Variants in DNHD1 observed in about 807,000 individuals in gnomAD.
DNHD1 encodes the protein dynein heavy chain domain-containing protein 1.
Under a neutral mutation model 458.1 loss-of-function variants are expected in DNHD1, and 383 were observed. The observed-to-expected ratio is 0.84, with a 90% confidence interval of 0.77 to 0.91. The LOEUF is 0.91. Ranked by LOEUF, DNHD1 falls within the 40% of genes least tolerant of loss-of-function variation. The pLI is 0.00. For synonymous variants in DNHD1, 2,203 were observed against 2,376.9 expected, an observed-to-expected ratio of 0.93 and a Z score of 2.13; for missense variants, 5,336 against 5,866.1, an observed-to-expected ratio of 0.91 and a Z score of 2.95.
chr11:6,521,247 C>T (rs1852598892), intron 10 of DNHD1, among the ~76,000 whole-genome samples: 1 of 152,336 alleles, frequency 6.6e-6, no homozygotes, highest in South Asian at 2.1e-4. Flanking sequence ...ATACATGCTA[C>T]AGATGTGCCT....
intron 39 of DNHD1, among the ~76,000 whole-genome samples, chr11:6,569,789 T>G (rs1325575835): frequency 4.6e-5 from 7 of 151,978 alleles, no homozygotes; most frequent in Admixed American, 2.6e-4. Flanking sequence ...GATTTTTGCT[T>G]TAGATAATTG....
intron 14 of DNHD1, among the ~76,000 whole-genome samples, chr11:6,536,449 C>T (rs1158123590): frequency 4.6e-5 from 7 of 152,098 alleles, no homozygotes; most frequent in Non-Finnish European, 1.0e-4. Context: ...ATTTATGTAA[C>T]TTGCCCTTAA....
At chr11:6,566,845 T>C in intron 35 of DNHD1, 50 bp from the exon 36 acceptor site, 2 of 1,599,312 alleles carry the variant, frequency 1.3e-6, no homozygotes, top group Non-Finnish European at 1.7e-6. Context: ...TGTAGATGTT[T>C]GGGGTCTGTG....
In DNHD1 at chr11:6,511,415, T is replaced by C. The variant is rs1852333675; in HGVS notation, c.1378T>C (p.Ser460Pro). Residue 460 changes from serine (S) to proline (P), a missense_variant, in exon 7 of 43, where the codon TCC becomes CCC. This residue lies in a region of DNHD1 where 3,932 missense variants were observed against 4,365.6 expected (regional missense o/e 0.90). Transcript: ENST00000254579. ...CCATCGTTGCCTAAACCTCTGCACA[T>C]CCATTCTTCGACTGGTAAGAGGCTC... Reference protein sequence around the residue: ...LLHRCLNLCTSILRLVHEDTY... With the variant: ...LLHRCLNLCTPILRLVHEDTY... The C allele has an allele frequency of 6.2e-7, 1 of 1,614,068 alleles. No homozygotes were observed. The highest frequency in any genetic ancestry group is 1.1e-5 in the South Asian group (1 of 91,088).
chr11:6,530,277 G>A (rs577118403), intron 12 of DNHD1, among the ~76,000 whole-genome samples: 85 of 152,130 alleles, frequency 5.6e-4, no homozygotes, highest in Non-Finnish European at 1.0e-3. Context: ...TTCTACCCCT[G>A]CTAATTGAAC....
intron 39 of DNHD1, 69 bp downstream of exon 39, chr11:6,568,935 G>T: frequency 4.7e-6 from 7 of 1,477,452 alleles, no homozygotes; most frequent in Non-Finnish European, 6.3e-6. Flanking sequence ...CCATATGCTG[G>T]GATGAGTAAA....
Position 6,533,975 on chromosome 11 carries a change from A to T in DNHD1, c.2800A>T (p.Met934Leu), listed in dbSNP as rs762156018. The part of the protein sequence containing the change: ...EFLLSKRHAI[M>L]PKLQQLMAAA... ...CCTGCTCAGCAAGCGACATGCCATTATGCCCAAGCTGCAGCAGCTGATGGC... is the reference window on the plus strand; with the variant it reads ...CCTGCTCAGCAAGCGACATGCCATTTTGCCCAAGCTGCAGCAGCTGATGGC... The change falls in exon 14 of 43, where the codon ATG (methionine) becomes TTG (leucine). Residue 934 changes from methionine (M) to leucine (L), a missense_variant. By Grantham distance (15) the Met-to-Leu change is conservative. Around this residue, in one of 4 missense-constraint regions of DNHD1, gnomAD observed 3,932 missense variants for 4,365.6 expected, o/e 0.90. Transcript: ENST00000254579. 1.3e-6 allele frequency: 2 copies of T among 1,551,482 alleles called. No individual in the cohort carries two copies. Among genetic ancestry groups the T allele is most frequent in the Non-Finnish European group, 1.7e-6 (2 of 1,146,942 alleles).
At chr11:6,554,535 G>C (rs1853422226) in intron 24 of DNHD1, among the ~76,000 whole-genome samples, 1 of 152,198 alleles carries the variant, frequency 6.6e-6, no homozygotes, top group Non-Finnish European at 1.5e-5. Context: ...CATGATACAT[G>C]TATCTGACAA....
In DNHD1 at chr11:6,552,505, CAA is replaced by C. The variant is rs752044844; in HGVS notation, c.7387+3573_7387+3574del. Among the ~76,000 whole-genome samples, 5 of 152,078 alleles carry C rather than the reference CAA, an allele frequency of 3.3e-5. No homozygotes were observed. The East Asian group carries it at 7.7e-4, about 24-fold the overall frequency. Reference sequence around the variant, plus strand: ...CGCCATTGCACTCCAGCCTGGGTGACAAGAGCAAAACTTCGTCCCAAAAAATA... The same window carrying C: ...CGCCATTGCACTCCAGCCTGGGTGACGAGCAAAACTTCGTCCCAAAAAATA... On this transcript the variant is annotated intron_variant, in intron 24 of 42. Coordinates refer to ENST00000254579, the MANE Select transcript of DNHD1 (RefSeq NM_144666.3).
intron 7 of DNHD1, among the ~76,000 whole-genome samples, chr11:6,512,428 T>C (rs998211663): frequency 5.3e-5 from 8 of 151,800 alleles, no homozygotes; most frequent in East Asian, 1.9e-4. Flanking sequence ...TTCACTGTGT[T>C]AGCCAGGATG....
intron 6 of DNHD1, among the ~76,000 whole-genome samples, chr11:6,510,646 G>A (rs1852319284): frequency 6.6e-6 from 1 of 151,938 alleles, no homozygotes; most frequent in African/African-American, 2.4e-5. Context: ...AAGATTTCTA[G>A]ATTTAATTCT....
At chr11:6,512,211 C>CTTTCTTTTTTTTTTTTTTT (rs1185966042) in intron 7 of DNHD1, among the ~76,000 whole-genome samples, 8 of 91,624 alleles carry the variant, frequency 8.7e-5, no homozygotes, top group African/African-American at 3.7e-4. Context: ...CTTTTTCTTT[C>CTTTCTTTTTTTTTTTTTTT]TTTTTTTTTT....
intron 32 of DNHD1, among the ~76,000 whole-genome samples, chr11:6,565,041 C>T (rs965634222): frequency 1.3e-5 from 2 of 152,202 alleles, no homozygotes; most frequent in African/African-American, 4.8e-5. Context: ...CTGGTCTACT[C>T]AGCACTACCC....
In DNHD1 at chr11:6,566,285, G is replaced by C; in HGVS notation, c.11098G>C (p.Glu3700Gln). The C allele has an allele frequency of 6.4e-7, 1 of 1,551,816 alleles. No homozygotes were observed. Among genetic ancestry groups the C allele is most frequent in the East Asian group, 2.4e-5 (1 of 40,912 alleles). ...CAATGTGGAGCTGGGTCTAGGGTGC[G>C]AAGAACTGCAATGGCTGCTGCAACG... is the stretch of plus-strand genomic sequence containing the variant. ...LTNVELGLGC[E>Q]ELQWLLQREQ... Residue 3700 changes from glutamate (E) to glutamine (Q), a missense_variant, in exon 34 of 43, where the codon GAA becomes CAA. Glu to Gln is a conservative substitution (Grantham distance 29). Transcript: ENST00000254579.
At chr11:6,513,186 T>C (rs1186085989) in intron 7 of DNHD1, among the ~76,000 whole-genome samples, 1 of 152,236 alleles carries the variant, frequency 6.6e-6, no homozygotes, top group African/African-American at 2.4e-5. Flanking sequence ...AAAATAGTTA[T>C]AACTTTTTGA....
chr11:6,559,094 A>C lies in DNHD1; in HGVS notation c.9404A>C (p.Asn3135Thr), dbSNP rs780062653. The C allele has an allele frequency of 6.4e-7, 1 of 1,551,664 alleles. No homozygotes were observed. ...LQQQTILKIK[N>T]KAQRVQNALE... is the part of the protein sequence containing the mutation. ...CAACAGACAATCCTGAAGATTAAGA[A>C]CAAGGCCCAGCGGTGAGTGTCCCGT... Residue 3135 changes from asparagine to threonine, a missense_variant, in exon 27 of 43, where the codon AAC (asparagine) becomes ACC (threonine). Transcript: ENST00000254579.
rs1718573054 is a variant in DNHD1 at position 6,498,015 on chromosome 11, T to C, written c.-201T>C. On this transcript the variant is annotated 5_prime_UTR_variant, in exon 3 of 43. Transcript: ENST00000254579. The stretch of plus-strand genomic sequence containing the variant: ...TGGCTCTGCTCTGTAGCTCCATCTA[T>C]TTCCCTGTCCCAGGTCCTTTCTTCC... 1.2e-5 allele frequency: 8 copies of C among 691,766 alleles called. No homozygotes were observed. Among genetic ancestry groups the C allele is most frequent in the African/African-American group, 5.3e-5 (3 of 56,100 alleles). The allele number at this position is 691,766 out of a possible 1,614,324, so 42.9% of individuals were successfully genotyped here.
At chr11:6,503,348 C>G (rs900793748) in intron 4 of DNHD1, 1 of 155,290 alleles carries the variant, frequency 6.4e-6, no homozygotes, top group African/African-American at 2.4e-5. Context: ...GAATCAAAAT[C>G]TGCATTCTTT....
chr11:6,557,969 G>A lies in DNHD1; in HGVS notation c.8674G>A (p.Ala2892Thr), dbSNP rs1159790231. ...PRQHGLLLSG[A>T]LGTGRHTAIT... Reference sequence around the variant, plus strand: ...GCAGCATGGCCTGCTGCTCTCGGGGGCTCTGGGTACTGGGCGCCACACTGC... The same window carrying A: ...GCAGCATGGCCTGCTGCTCTCGGGGACTCTGGGTACTGGGCGCCACACTGC... The change falls in exon 25 of 43, where the codon GCT becomes ACT. Residue 2892 changes from alanine (A) to threonine (T), a missense_variant. Transcript: ENST00000254579. The A allele has an allele frequency of 1.9e-6, 3 of 1,551,664 alleles. No individual in the cohort carries two copies. Among genetic ancestry groups the A allele is most frequent in the Non-Finnish European group, 2.6e-6 (3 of 1,146,996 alleles).
Sources: allele counts gnomAD v4.1 joint callset (sites outside exome capture counted in the v4.1 genomes callset), GRCh38; gene constraint gnomAD v4.1.1; regional missense constraint gnomAD v4.1.1; transcripts MANE v1.5; gene names NCBI Gene and HGNC (gene_info 2026-07-23, HGNC 2026-07-21).